The following COL5A2 variants were observed in gnomAD, a reference collection of about 807,000 sequenced individuals.
The protein encoded by COL5A2 is collagen alpha-2(V) chain.
Under a neutral mutation model 208.2 loss-of-function variants are expected in COL5A2, and 23 were observed. That is an observed-to-expected ratio of 0.11 (90% CI 0.08 to 0.16). COL5A2 has a LOEUF of 0.16. Among genes scored for constraint, COL5A2 ranks in the 10% least tolerant of loss-of-function variants. The probability of loss-of-function intolerance (pLI) is 1.00; values close to 1 mark genes in which losing one functional copy is unlikely to be tolerated. For missense variants in COL5A2, 1,590 were observed against 1,956.4 expected (o/e 0.81, Z 3.53); for synonymous variants, 625 against 628.5 (o/e 0.99, Z 0.08).
At chr2:189,316,274 A>T in the COL5A2 span, among the ~76,000 whole-genome samples, 1 of 152,210 alleles carries the variant, frequency 6.6e-6, no homozygotes, top group Non-Finnish European at 1.5e-5. Context: ...AATACTATGC[A>T]GCCATGAAAA....
chr2:189,324,536 A>G, the COL5A2 span, among the ~76,000 whole-genome samples: 1 of 152,262 alleles, frequency 6.6e-6, no homozygotes, highest in Non-Finnish European at 1.5e-5. Flanking sequence ...AAAAGAAGAC[A>G]TTTATGCAGC....
At chr2:189,054,582 C>T (rs1417215478) in intron 35 of COL5A2, among the ~76,000 whole-genome samples, 2 of 151,874 alleles carry the variant, frequency 1.3e-5, no homozygotes, top group East Asian at 3.9e-4. Flanking sequence ...TGAAAAGAGG[C>T]TTTCCTTCTT....
chr2:189,097,245 G>C (rs776896108), intron 6 of COL5A2, 32 bp downstream of exon 6: 1 of 1,609,586 alleles, frequency 6.2e-7, no homozygotes, highest in South Asian at 1.1e-5. Flanking sequence ...CTGGCTGTAC[G>C]TTCCCCACAA....
chr2:189,362,678 A>G, the COL5A2 span, among the ~76,000 whole-genome samples: 1 of 152,150 alleles, frequency 6.6e-6, no homozygotes, highest in African/African-American at 2.4e-5. Flanking sequence ...TATTGAACTT[A>G]TCAGCTTTCC....
the COL5A2 span, among the ~76,000 whole-genome samples, chr2:189,439,785 T>A: frequency 1.3e-5 from 2 of 152,246 alleles, no homozygotes; most frequent in African/African-American, 4.8e-5. Context: ...GATTCTTTTC[T>A]GAAAAATCTA....
Position 189,068,711 on chromosome 2 carries a change from T to C in COL5A2, c.1257+75A>G, listed in dbSNP as rs186264260. 8.4e-4 allele frequency: 883 copies of C among 1,046,762 alleles called. 6 individuals are homozygous for C. In the African/African-American group the frequency reaches 0.012, roughly 15 times the overall value. 64.8% of individuals were successfully genotyped at this position (1,046,762 alleles called of 1,614,324 possible). A position where few individuals can be genotyped will look rare whatever the true frequency, so the allele number is the denominator to read the frequency against. On this transcript the variant is annotated intron_variant, in intron 19 of 53. Transcript: ENST00000374866. The stretch of plus-strand genomic sequence containing the variant: ...AAATATTATGTATCAATTAAAAAAA[T>C]AGGTTGAATTTGTTCTGATGTTACA...
chr2:189,294,167 TTG>T, the COL5A2 span, among the ~76,000 whole-genome samples: 1 of 152,068 alleles, frequency 6.6e-6, no homozygotes, highest in African/African-American at 2.4e-5. Context: ...TAGCACACTA[TTG>T]CTTTCCTTCC....
intron 1 of COL5A2, among the ~76,000 whole-genome samples, chr2:189,116,357 G>A (rs1045111440): frequency 6.6e-6 from 1 of 152,152 alleles, no homozygotes; most frequent in African/African-American, 2.4e-5. Flanking sequence ...TTCTGCTCTA[G>A]GGCACTGTTT....
At chr2:189,348,124 TCCTAGCTAAGTGTTTA>T in the COL5A2 span, among the ~76,000 whole-genome samples, 1 of 152,148 alleles carries the variant, frequency 6.6e-6, no homozygotes, top group African/African-American at 2.4e-5. Flanking sequence ...GGAAACCACT[TCCTAGCTAAGTGTTTA>T]CCTTGATTAT....
chr2:189,326,054 G>A, the COL5A2 span, among the ~76,000 whole-genome samples: 10 of 145,742 alleles, frequency 6.9e-5, no homozygotes, highest in East Asian at 2.0e-4. Context: ...CCAAGATGGC[G>A]CCACTGCACT....
chr2:189,281,900 T>A, the COL5A2 span, among the ~76,000 whole-genome samples: 1 of 152,206 alleles, frequency 6.6e-6, no homozygotes, highest in Non-Finnish European at 1.5e-5. Flanking sequence ...ATTCCCATTA[T>A]AGGCTGGGCG....
chr2:189,128,896 A>G (rs1255682772), intron 1 of COL5A2, among the ~76,000 whole-genome samples: 3 of 152,032 alleles, frequency 2.0e-5, no homozygotes, highest in African/African-American at 4.8e-5. Flanking sequence ...ACCGAAAACT[A>G]TCATAAACCT....
chr2:189,224,329 A>T (rs920410197), intron 1 of COL5A2, among the ~76,000 whole-genome samples: 1 of 152,108 alleles, frequency 6.6e-6, no homozygotes, highest in African/African-American at 2.4e-5. Flanking sequence ...TACCATTCCA[A>T]TTTAGAGAGA....
the COL5A2 span, among the ~76,000 whole-genome samples, chr2:189,402,160 G>C: frequency 2.2e-3 from 335 of 152,142 alleles, 2 homozygotes; most frequent in Admixed American, 0.015. Flanking sequence ...GTCCTGAATG[G>C]TATTGCCTAG....
intron 13 of COL5A2, 56 bp from the exon 14 acceptor site, chr2:189,080,087 G>A: frequency 3.7e-6 from 5 of 1,349,486 alleles, no homozygotes; most frequent in Non-Finnish European, 4.2e-6. Flanking sequence ...ATCCTCAAAG[G>A]CATAAGAACC....
chr2:189,222,400 C>G (rs1689357973), intron 1 of COL5A2, among the ~76,000 whole-genome samples: 1 of 151,998 alleles, frequency 6.6e-6, no homozygotes, highest in Non-Finnish European at 1.5e-5. Context: ...TACTATGTAG[C>G]AAAGATAAGA....
At chr2:189,216,594 A>G (rs1689282254) in intron 1 of COL5A2, among the ~76,000 whole-genome samples, 1 of 152,058 alleles carries the variant, frequency 6.6e-6, no homozygotes, top group Non-Finnish European at 1.5e-5. Context: ...GTCACATTGG[A>G]GGGCAGATAG....
At chr2:189,401,260 A>G in the COL5A2 span, among the ~76,000 whole-genome samples, 1 of 152,056 alleles carries the variant, frequency 6.6e-6, no homozygotes, top group African/African-American at 2.4e-5. Flanking sequence ...TGTCCCCCTT[A>G]TGTGTCCAGG....
chr2:189,423,782 AC>A, the COL5A2 span, among the ~76,000 whole-genome samples: 1 of 152,258 alleles, frequency 6.6e-6, no homozygotes, highest in Admixed American at 6.5e-5. Flanking sequence ...ATTCTACCAA[AC>A]CTTTAAAGGA....
Sources: allele counts gnomAD v4.1 joint callset (sites outside exome capture counted in the v4.1 genomes callset), GRCh38; gene constraint gnomAD v4.1.1; transcripts MANE v1.5; gene names NCBI Gene and HGNC (gene_info 2026-07-23, HGNC 2026-07-21).